The following LRRC4C variants were observed in gnomAD, a reference collection of about 807,000 sequenced individuals.
The protein encoded by LRRC4C is leucine-rich repeat-containing protein 4C.
A neutral mutation model predicts 33.6 loss-of-function variants in LRRC4C; 5 were observed. The observed-to-expected ratio is 0.15, with a 90% CI of 0.08 to 0.31. The LOEUF (loss-of-function observed/expected upper bound fraction) is 0.31, where lower values mean the gene tolerates loss of function less well. Among genes scored for constraint, LRRC4C ranks in the 10% least tolerant of loss-of-function variants. The pLI is 1.00. For synonymous variants in LRRC4C, 329 were observed against 302.0 expected (o/e 1.09, Z -0.93); for missense variants, 560 against 796.7 (o/e 0.70, Z 3.58).
chr11:41,224,737 G>T (rs140085469), intron 1 of LRRC4C, among the ~76,000 whole-genome samples: 3 of 152,128 alleles, frequency 2.0e-5, no homozygotes, highest in African/African-American at 7.2e-5. Context: ...TTCTATGTGG[G>T]ATTAACTGAG....
At chr11:40,431,133 A>G (rs1054657748) in intron 3 of LRRC4C, among the ~76,000 whole-genome samples, 1 of 147,770 alleles carries the variant, frequency 6.8e-6, no homozygotes, top group Non-Finnish European at 1.5e-5. Flanking sequence ...AGCACATTGT[A>G]CTTTAAAAAA....
At position 41,167,866 on chromosome 11, in the gene LRRC4C, G is replaced by A. The variant is rs145914818; in HGVS notation, c.-495-234143C>T. Among the ~76,000 whole-genome samples, 764 of 152,292 alleles carry A rather than the reference G, an allele frequency of 5.0e-3. 4 individuals carry two copies. Among genetic ancestry groups the A allele is most frequent in the African/African-American group, 0.017 (719 of 41,576 alleles). On this transcript the variant is annotated intron_variant, in intron 1 of 6. Coordinates refer to ENST00000528697, the MANE Select transcript of LRRC4C (RefSeq NM_001258419.2). Reference sequence around the variant, plus strand: ...TATGTACTGAATGGGATGTGGAGAGGTGATTCAAGTAATTTGACTAACTAA... The same window carrying A: ...TATGTACTGAATGGGATGTGGAGAGATGATTCAAGTAATTTGACTAACTAA...
At chr11:40,518,814 A>G (rs1955680771) in intron 3 of LRRC4C, among the ~76,000 whole-genome samples, 1 of 146,192 alleles carries the variant, frequency 6.8e-6, no homozygotes, top group African/African-American at 2.5e-5. Context: ...TTGCGGCACT[A>G]TTCACAATAG....
chr11:41,142,524 C>T (rs1308578393), intron 1 of LRRC4C, among the ~76,000 whole-genome samples: 1 of 152,072 alleles, frequency 6.6e-6, no homozygotes. Context: ...ATGTGGTGCT[C>T]CTGTAAACAT....
At chr11:41,300,364 T>G (rs12273192) in intron 1 of LRRC4C, among the ~76,000 whole-genome samples, 26,365 of 152,086 alleles carry the variant, frequency 0.17, 2,848 homozygotes, top group East Asian at 0.42. Context: ...TTTATTTGAC[T>G]TCCTTTCCTG....
intron 1 of LRRC4C, among the ~76,000 whole-genome samples, chr11:41,361,872 A>C (rs897231437): frequency 3.3e-5 from 5 of 152,150 alleles, no homozygotes; most frequent in African/African-American, 1.2e-4. Context: ...GAATTCCTGG[A>C]GAGGAGATAA....
chr11:41,066,966 C>T (rs770346280), intron 1 of LRRC4C, among the ~76,000 whole-genome samples: 2 of 152,072 alleles, frequency 1.3e-5, no homozygotes, highest in African/African-American at 2.4e-5. Context: ...AAAAACACAC[C>T]AAAATATGAA....
At chr11:41,342,514 A>C (rs1951674116) in intron 1 of LRRC4C, among the ~76,000 whole-genome samples, 1 of 152,126 alleles carries the variant, frequency 6.6e-6, no homozygotes, top group Admixed American at 6.5e-5. Context: ...CAGGGGTTTG[A>C]GACCAGCCTG....
At chr11:40,621,155 T>C (rs1224674171) in intron 3 of LRRC4C, among the ~76,000 whole-genome samples, 1 of 151,834 alleles carries the variant, frequency 6.6e-6, no homozygotes, top group Non-Finnish European at 1.5e-5. Flanking sequence ...GTCTTCCTTG[T>C]TTTCTTCATC....
rs540563473 is a variant in LRRC4C, at chr11:40,606,660, A to C, written c.-270+41482T>G. On this transcript the variant is annotated intron_variant, in intron 3 of 6. Coordinates refer to ENST00000528697, the MANE Select transcript of LRRC4C (RefSeq NM_001258419.2). Reference sequence around the variant, plus strand: ...GCAAAAATTATATATGAAGAAGAATATCAACAAAGAGCTAGAAAATATAAG... The same window carrying C: ...GCAAAAATTATATATGAAGAAGAATCTCAACAAAGAGCTAGAAAATATAAG... 4.6e-5 allele frequency among the ~76,000 whole-genome samples: 7 copies of C among 152,268 alleles called. No individual in the cohort carries two copies. In the South Asian group the frequency reaches 1.4e-3, roughly 32 times the overall value.
intron 1 of LRRC4C, among the ~76,000 whole-genome samples, chr11:41,086,832 A>G (rs1008224306): frequency 1.8e-4 from 28 of 151,886 alleles, no homozygotes; most frequent in Admixed American, 6.6e-5. Context: ...ACTGCTGTCG[A>G]TGTATGGAAT....
In LRRC4C at chr11:40,133,016, TAAG is replaced by T. The variant is rs937631801; in HGVS notation, c.-43+7782_-43+7784del. On this transcript the variant is annotated intron_variant, in intron 6 of 6. Coordinates refer to ENST00000528697, the MANE Select transcript of LRRC4C (RefSeq NM_001258419.2). ...AAAGAAGTGCTTTTGAAAAAAGATC[TAAG>T]AAGACTATCTGAAACGTAAGTCCTT... is the stretch of plus-strand genomic sequence containing the variant. 2.4e-4 allele frequency among the ~76,000 whole-genome samples: 36 copies of T among 152,340 alleles called. No homozygotes were observed. In the East Asian group the frequency reaches 5.6e-3, roughly 24 times the overall value.
intron 4 of LRRC4C, among the ~76,000 whole-genome samples, chr11:40,288,084 G>A (rs1044294360): frequency 6.6e-6 from 1 of 152,058 alleles, no homozygotes; most frequent in Non-Finnish European, 1.5e-5. Context: ...TCATCCTCAC[G>A]GCAGACAGTT....
chr11:40,343,393 T>C (rs1474726823), intron 3 of LRRC4C, among the ~76,000 whole-genome samples: 1 of 152,064 alleles, frequency 6.6e-6, no homozygotes. Context: ...GTGGTAAATA[T>C]GCAGGATTGT....
At chr11:41,197,777 C>A (rs555224198) in intron 1 of LRRC4C, among the ~76,000 whole-genome samples, 1 of 152,038 alleles carries the variant, frequency 6.6e-6, no homozygotes, top group South Asian at 2.1e-4. Context: ...ATAACATTGT[C>A]ATTTTGGGTC....
chr11:40,366,198 G>T (rs553946471), intron 3 of LRRC4C, among the ~76,000 whole-genome samples: 2 of 152,086 alleles, frequency 1.3e-5, no homozygotes, highest in African/African-American at 2.4e-5. Flanking sequence ...AAACAGTGGA[G>T]AAAATAAACC....
intron 3 of LRRC4C, among the ~76,000 whole-genome samples, chr11:40,324,978 A>C (rs955511235): frequency 6.6e-6 from 1 of 152,224 alleles, no homozygotes. Flanking sequence ...ATAAATACAC[A>C]AAGATTAACC....
chr11:40,898,734 A>G (rs1171958014), intron 2 of LRRC4C, among the ~76,000 whole-genome samples: 2 of 151,976 alleles, frequency 1.3e-5, no homozygotes, highest in East Asian at 1.9e-4. Flanking sequence ...TAAGGTATGA[A>G]TTTTATAAGT....
chr11:40,536,702 T>A (rs1202420425), intron 3 of LRRC4C, among the ~76,000 whole-genome samples: 1 of 152,244 alleles, frequency 6.6e-6, no homozygotes, highest in Non-Finnish European at 1.5e-5. Flanking sequence ...GCTCTTTTTT[T>A]TTCAAATCTC....
Sources: gnomAD v4.1 joint callset for allele counts (sites outside exome capture counted in the v4.1 genomes callset) on GRCh38, gnomAD v4.1.1 for gene constraint, MANE v1.5 for transcripts, NCBI Gene and HGNC (gene_info 2026-07-23, HGNC 2026-07-21) for gene names.